The following MBOAT4 variants were observed in gnomAD, a reference collection of about 807,000 sequenced individuals.
The protein encoded by MBOAT4 is membrane bound ghrelin O-acyltransferase MBOAT4, also known as membrane-bound ghrelin O-acyltransferase MBOAT4.
A neutral mutation model predicts 13.2 loss-of-function variants in MBOAT4; 11 were observed. The observed-to-expected ratio is 0.84, with a 90% CI of 0.53 to 1.38. The LOEUF is 1.38. Among genes scored for constraint, MBOAT4 ranks in the 40% most tolerant of loss-of-function variants. The pLI, the probability that MBOAT4 is intolerant of heterozygous loss-of-function variation, is 0.00. For synonymous variants in MBOAT4, 202 were observed against 210.3 expected (o/e 0.96, Z 0.34); for missense variants, 481 against 527.2 (o/e 0.91, Z 0.86).
chr8:30,144,245 CT>C (rs1803312036), intron 1 of MBOAT4, among the ~76,000 whole-genome samples: 1 of 152,106 alleles, frequency 6.6e-6, no homozygotes, highest in Non-Finnish European at 1.5e-5. Context: ...AGCAGGTCTC[CT>C]GCCTCCCTCC....
rs1005506988 is a variant in MBOAT4, at chr8:30,137,546, G to T, written c.344+986C>A. On this transcript the variant is annotated intron_variant, in intron 2 of 2. Transcript: ENST00000320542. ...AGACACTGCACCATGTAGGCAACAC[G>T]TGGCAGTGATGATTAGTCACAAAAT... 3 of 1,359,226 alleles carry T rather than the reference G, an allele frequency of 2.2e-6. No individual in the cohort carries two copies. In the Admixed American group the frequency reaches 6.3e-5, roughly 29 times the overall value. 84.2% of individuals were successfully genotyped at this position (1,359,226 alleles called of 1,614,324 possible).
intron 2 of MBOAT4, among the ~76,000 whole-genome samples, chr8:30,136,838 C>T (rs890787021): frequency 2.0e-5 from 3 of 151,924 alleles, no homozygotes; most frequent in African/African-American, 7.3e-5. Context: ...CAGGCGTCCG[C>T]CACTATGCCC....
At chr8:30,140,258 A>C (rs1803240225) in intron 1 of MBOAT4, among the ~76,000 whole-genome samples, 1 of 152,066 alleles carries the variant, frequency 6.6e-6, no homozygotes. Flanking sequence ...GCTGGTCTCT[A>C]ACTCCTGGCC....
At chr8:30,139,282 G>A (rs1423594669) in intron 1 of MBOAT4, among the ~76,000 whole-genome samples, 2 of 39,938 alleles carry the variant, frequency 5.0e-5, no homozygotes, top group African/African-American at 1.5e-4. Flanking sequence ...TGCCTTAGTG[G>A]CCCTGGAACC....
At chr8:30,137,952 C>A (rs1218725897) in intron 2 of MBOAT4, 1 of 201,746 alleles carries the variant, frequency 5.0e-6, no homozygotes, top group South Asian at 8.0e-5. Context: ...GTTTTGTAGA[C>A]CCTGCCCTTG....
intron 2 of MBOAT4, among the ~76,000 whole-genome samples, chr8:30,133,878 C>T (rs1803082347): frequency 6.6e-6 from 1 of 151,898 alleles, no homozygotes; most frequent in Non-Finnish European, 1.5e-5. Flanking sequence ...CAAACAGAGC[C>T]AGGAAAAGGT....
intron 1 of MBOAT4, 51 bp downstream of exon 1, chr8:30,144,432 A>T: frequency 7.4e-7 from 1 of 1,356,396 alleles, no homozygotes; most frequent in Non-Finnish European, 1.0e-6. Context: ...CACCGCACCC[A>T]GTCACTATAG....
intron 1 of MBOAT4, among the ~76,000 whole-genome samples, chr8:30,142,269 G>T (rs1803274526): frequency 6.6e-6 from 1 of 152,186 alleles, no homozygotes; most frequent in South Asian, 2.1e-4. Flanking sequence ...GGGCATTTGG[G>T]TGAAGTATAT....
chr8:30,134,446 CA>C (rs913351650), intron 2 of MBOAT4, among the ~76,000 whole-genome samples: 1 of 149,932 alleles, frequency 6.7e-6, no homozygotes, highest in South Asian at 2.1e-4. Context: ...AAAAAAAAAA[CA>C]AAAAAAAACT....
At position 30,138,758 on chromosome 8, in the gene MBOAT4, T is replaced by A; in HGVS notation, c.120-2A>T. On this transcript the variant is annotated splice_acceptor_variant, in intron 1 of 2. Coordinates refer to ENST00000320542, the MANE Select transcript of MBOAT4 (RefSeq NM_001100916.2). LOFTEE classifies it high-confidence loss of function. ...CCTCCAGTCAGGAGAAAGAGGTACC[T>A]GAAAGAGAAGGGACACCTTGGGGAG... 5 of 1,548,094 alleles carry A rather than the reference T, an allele frequency of 3.2e-6. No individual in the cohort carries two copies. The South Asian group carries it at 4.8e-5, about 15-fold the overall frequency.
rs368857189 is a variant in MBOAT4 at position 30,132,358 on chromosome 8, C to T, written c.893G>A (p.Arg298Lys). 9 of 1,551,614 alleles carry T rather than the reference C, an allele frequency of 5.8e-6. No homozygotes were observed. The highest frequency in any genetic ancestry group is 4.9e-5 in the East Asian group (2 of 40,936). ...ADIWTLERTH[R>K]ISVFSRKWNQ... ...CCACTTTCTTGAGAACACAGATATC[C>T]TGTGGGTTCTTTCCAGGGTCCAGAT... The change falls in exon 3 of 3, where the codon AGG becomes AAG. Residue 298 changes from arginine to lysine, a missense_variant. Transcript: ENST00000320542.
intron 1 of MBOAT4, among the ~76,000 whole-genome samples, chr8:30,143,752 A>G (rs1247160068): frequency 6.6e-6 from 1 of 152,254 alleles, no homozygotes; most frequent in African/African-American, 2.4e-5. Flanking sequence ...ATTTAGTTAT[A>G]ATAAAACTTA....
At chr8:30,134,931 G>A (rs1803106760) in intron 2 of MBOAT4, among the ~76,000 whole-genome samples, 1 of 152,100 alleles carries the variant, frequency 6.6e-6, no homozygotes, top group African/African-American at 2.4e-5. Flanking sequence ...CCAGGCTGGA[G>A]TGCAGTGGCA....
At chr8:30,138,508 A>G in intron 2 of MBOAT4, 24 bp downstream of exon 2, 1 of 1,530,548 alleles carries the variant, frequency 6.5e-7, no homozygotes, top group Non-Finnish European at 8.9e-7. Context: ...TGGGCTGAGC[A>G]TGACCAACGA....
At chr8:30,143,547 T>A (rs947151262) in intron 1 of MBOAT4, among the ~76,000 whole-genome samples, 2 of 152,136 alleles carry the variant, frequency 1.3e-5, no homozygotes, top group African/African-American at 4.8e-5. Flanking sequence ...AAATCTTATA[T>A]GAGCAATCTA....
chr8:30,136,173 C>G (rs1352584715), intron 2 of MBOAT4, among the ~76,000 whole-genome samples: 2 of 152,134 alleles, frequency 1.3e-5, no homozygotes, highest in African/African-American at 4.8e-5. Flanking sequence ...GGTCTAACCC[C>G]AGTACCTCAG....
intron 2 of MBOAT4, chr8:30,137,680 T>C (rs535335574): frequency 4.5e-5 from 27 of 601,440 alleles, no homozygotes; most frequent in Admixed American, 2.4e-4. Flanking sequence ...CAAGCTGTCC[T>C]TGTTCATTCC....
rs1228206797 is a variant in MBOAT4, at chr8:30,132,549, ATCAG to A, written c.698_701del (p.Thr233IlefsTer120). The A allele has an allele frequency of 7.1e-6, 11 of 1,551,630 alleles. No homozygotes were observed. Among genetic ancestry groups the A allele is most frequent in the Non-Finnish European group, 9.6e-6 (11 of 1,147,012 alleles). Reference sequence around the variant, plus strand: ...CATAGATGCACTCGAATTGCTGGCAATCAGTCAGTCCCGCTCCTGCATCCACCAC... The same window carrying A: ...CATAGATGCACTCGAATTGCTGGCAATCAGTCCCGCTCCTGCATCCACCAC... On this transcript the variant is annotated frameshift_variant, in exon 3 of 3. Transcript: ENST00000320542. LOFTEE classifies it low-confidence loss of function (END_TRUNC).
chr8:30,138,496 G>A, intron 2 of MBOAT4, 36 bp downstream of exon 2: 1 of 1,478,822 alleles, frequency 6.8e-7, no homozygotes, highest in Non-Finnish European at 9.2e-7. Flanking sequence ...GCAAACTGTA[G>A]GTGGGCTGAG....
Sources: allele counts gnomAD v4.1 joint callset (sites outside exome capture counted in the v4.1 genomes callset), GRCh38; gene constraint gnomAD v4.1.1; transcripts MANE v1.5; gene names NCBI Gene and HGNC (gene_info 2026-07-23, HGNC 2026-07-21).